NF2: variants seen among roughly 807,000 people sequenced by gnomAD.
The protein encoded by NF2 is merlin.
In NF2, 8 loss-of-function variants were observed where a neutral mutation model predicts 83.7. That is an observed-to-expected ratio of 0.10 (90% CI 0.06 to 0.17). The LOEUF is 0.17. Ranked by LOEUF, NF2 falls within the 10% of genes least tolerant of loss-of-function variation. NF2 has a pLI of 1.00. For missense variants in NF2, 533 were observed against 744.4 expected (o/e 0.72, Z 3.31); for synonymous variants, 266 against 269.6 (o/e 0.99, Z 0.13).
intron 8 of NF2, among the ~76,000 whole-genome samples, chr22:29,662,316 G>A (rs2066502749): frequency 6.6e-6 from 1 of 152,046 alleles, no homozygotes; most frequent in African/African-American, 2.4e-5. Context: ...GTAGAGATGG[G>A]GTTTTGCCAC....
chr22:29,698,240 G>C lies in NF2; in HGVS notation c.*3438G>C, dbSNP rs1341063025. 1.3e-5 allele frequency: 3 copies of C among 230,706 alleles called. No individual in the cohort carries two copies. The highest frequency in any genetic ancestry group is 6.6e-5 in the African/African-American group (3 of 45,152). The allele number at this position is 230,706 out of a possible 1,614,324, so 14.3% of individuals were successfully genotyped here. On this transcript the variant is annotated 3_prime_UTR_variant, in exon 16 of 16. Coordinates refer to ENST00000338641, the MANE Select transcript of NF2 (RefSeq NM_000268.4). ...TACATAACACTTCATGAGTGGCTGTGTCTTGTAATTTTGGGGACAGGTTTC... is the reference window on the plus strand; with the variant it reads ...TACATAACACTTCATGAGTGGCTGTCTCTTGTAATTTTGGGGACAGGTTTC...
chr22:29,683,029 C>T (rs2067184272), intron 15 of NF2: 1 of 1,614,122 alleles, frequency 6.2e-7, no homozygotes, highest in East Asian at 2.2e-5. Context: ...GCCTCAAGCC[C>T]AAGGCAGAAG....
chr22:29,674,890 G>A lies in NF2; in HGVS notation c.1395G>A (p.Glu465=), dbSNP rs1556001388. Residue 465 remains glutamate (E), a synonymous_variant, in exon 13 of 16, where the codon GAG becomes GAA. Transcript: ENST00000338641. ...ACCTGCAGGAAGCACGCGAGGCGGA[G>A]CGAAGAGCCAAGCAGAAGCTCCTGG... is the stretch of plus-strand genomic sequence containing the variant. ...KQDLQEAREA[E]RRAKQKLLEI... is the part of the protein sequence containing the mutation. The A allele has an allele frequency of 1.9e-6, 3 of 1,574,818 alleles. No homozygotes were observed. The highest frequency in any genetic ancestry group is 2.3e-5 in the East Asian group (1 of 42,960).
intron 1 of NF2, among the ~76,000 whole-genome samples, chr22:29,614,116 A>T (rs1324897217): frequency 6.6e-6 from 1 of 151,642 alleles, no homozygotes; most frequent in Non-Finnish European, 1.5e-5. Flanking sequence ...CAAAAAAAAG[A>T]AGAAATTAAA....
chr22:29,678,187 C>G lies in NF2; in HGVS notation c.1447-9C>G, dbSNP rs1485358709. The G allele has an allele frequency of 1.2e-6, 2 of 1,613,862 alleles. No homozygotes were observed. The highest frequency in any genetic ancestry group is 1.7e-6 in the Non-Finnish European group (2 of 1,179,840). Reference sequence around the variant, plus strand: ...CCCAAGCTCCTAATCCGAAATTTCTCATTAACAGCCCATGAACCCAATTCC... The same window carrying G: ...CCCAAGCTCCTAATCCGAAATTTCTGATTAACAGCCCATGAACCCAATTCC... On this transcript the variant is annotated splice_polypyrimidine_tract_variant and intron_variant, in intron 13 of 15. Transcript: ENST00000338641.
intron 10 of NF2, among the ~76,000 whole-genome samples, chr22:29,670,600 A>G (rs1670491486): frequency 6.6e-6 from 1 of 151,968 alleles, no homozygotes; most frequent in Admixed American, 6.6e-5. Flanking sequence ...AGAGTGTGGG[A>G]TAAGATTGAA....
At chr22:29,616,751 A>G (rs893690300) in intron 1 of NF2, among the ~76,000 whole-genome samples, 1 of 151,922 alleles carries the variant, frequency 6.6e-6, no homozygotes, top group Admixed American at 6.6e-5. Context: ...TCAAGAAAAA[A>G]AAAAAAAAAA....
At chr22:29,691,891 A>C (rs1357074620) in intron 15 of NF2, among the ~76,000 whole-genome samples, 1 of 152,164 alleles carries the variant, frequency 6.6e-6, no homozygotes, top group East Asian at 1.9e-4. Context: ...TGCCTTCTTC[A>C]CCTGCTGGGA....
chr22:29,688,946 C>T (rs889994392), intron 15 of NF2, among the ~76,000 whole-genome samples: 3 of 152,014 alleles, frequency 2.0e-5, no homozygotes, highest in African/African-American at 4.8e-5. Flanking sequence ...TTTGGGAGGC[C>T]GAGGCAGGCG....
rs2146973623 is a variant in NF2 at position 29,655,662 on chromosome 22, C to T, written c.585C>T (p.His195=). ...GAATTACTGCTTGGTACGCAGAGCACCGAGGCCGAGCCAGGTGAGGCCCAT... is the reference window on the plus strand; with the variant it reads ...GAATTACTGCTTGGTACGCAGAGCATCGAGGCCGAGCCAGGTGAGGCCCAT... ...EERITAWYAE[H]RGRARDEAEM... The change falls in exon 6 of 16, where the codon CAC becomes CAT. Residue 195 remains histidine, a synonymous_variant. Transcript: ENST00000338641. 4.3e-6 allele frequency: 7 copies of T among 1,612,726 alleles called. No individual in the cohort carries two copies. In the South Asian group the frequency reaches 4.4e-5, roughly 10 times the overall value.
chr22:29,639,298 C>T (rs2065736953), intron 3 of NF2, 86 bp downstream of exon 3: 1 of 1,537,144 alleles, frequency 6.5e-7, no homozygotes. Flanking sequence ...ACCACAAACA[C>T]CTTTGTATTG....
chr22:29,610,256 G>A (rs1015598700), intron 1 of NF2, among the ~76,000 whole-genome samples: 1 of 152,054 alleles, frequency 6.6e-6, no homozygotes, highest in Non-Finnish European at 1.5e-5. Flanking sequence ...TAAGGTGTGA[G>A]GATCACTTGA....
At chr22:29,690,592 G>A (rs550280580) in intron 15 of NF2, among the ~76,000 whole-genome samples, 62 of 152,302 alleles carry the variant, frequency 4.1e-4, no homozygotes, top group African/African-American at 1.4e-3. Context: ...TAGCAATAAA[G>A]CCTCATAGAT....
chr22:29,620,590 T>A (rs568106407), intron 1 of NF2, among the ~76,000 whole-genome samples: 1 of 148,940 alleles, frequency 6.7e-6, no homozygotes, highest in African/African-American at 2.5e-5. Context: ...AATAGAAAAA[T>A]TAGCCGGGGG....
Position 29,696,064 on chromosome 22 carries a change from T to TTA in NF2, c.*1263_*1264insAT. The TTA allele has an allele frequency of 1.3e-5, 3 of 225,882 alleles. No homozygotes were observed. The highest frequency in any genetic ancestry group is 2.3e-5 in the African/African-American group (1 of 43,944). 14.0% of individuals were successfully genotyped at this position (225,882 alleles called of 1,614,324 possible). A position where few individuals can be genotyped will look rare whatever the true frequency, so the allele number is the denominator to read the frequency against. On this transcript the variant is annotated 3_prime_UTR_variant, in exon 16 of 16. Coordinates refer to ENST00000338641, the MANE Select transcript of NF2 (RefSeq NM_000268.4). ...TGGTCTGGGGCCACCTTCTTGCCCT[T>TTA]TCTTTTTTTTTTTTTTTTTTTTTTT...
At chr22:29,632,229 A>G (rs1157315589) in intron 1 of NF2, among the ~76,000 whole-genome samples, 2 of 152,136 alleles carry the variant, frequency 1.3e-5, no homozygotes, top group Non-Finnish European at 2.9e-5. Flanking sequence ...AGACTGAACT[A>G]TCCTACTCCC....
intron 10 of NF2, among the ~76,000 whole-genome samples, 153 bp from the exon 11 acceptor site, chr22:29,671,672 TG>T (rs1237814138): frequency 1.3e-5 from 2 of 151,306 alleles, no homozygotes; most frequent in African/African-American, 2.4e-5. Flanking sequence ...AAGGACGGGG[TG>T]GGGGGCAATA....
intron 1 of NF2, among the ~76,000 whole-genome samples, chr22:29,614,740 A>C (rs1041807484): frequency 1.3e-5 from 2 of 151,780 alleles, no homozygotes; most frequent in African/African-American, 2.4e-5. Flanking sequence ...TCCCCCACCC[A>C]AAAAAAAGCT....
intron 10 of NF2, among the ~76,000 whole-genome samples, chr22:29,671,162 G>A (rs989063019): frequency 6.6e-6 from 1 of 152,160 alleles, no homozygotes; most frequent in African/African-American, 2.4e-5. Flanking sequence ...CATCGGCCAT[G>A]GGGCAGAGCC....
Sources: allele counts gnomAD v4.1 joint callset (sites outside exome capture counted in the v4.1 genomes callset), GRCh38; gene constraint gnomAD v4.1.1; transcripts MANE v1.5; gene names NCBI Gene and HGNC (gene_info 2026-07-23, HGNC 2026-07-21).